Variants in AGBL4 observed in about 807,000 individuals in gnomAD.
AGBL4 encodes cytosolic carboxypeptidase 6.
A neutral mutation model predicts 66.4 loss-of-function variants in AGBL4; 58 were observed. The observed-to-expected ratio is 0.87, with a 90% CI of 0.71 to 1.09. The LOEUF is 1.09. Among genes scored for constraint, AGBL4 ranks in the 50% least tolerant of loss-of-function variants. The pLI, the probability that AGBL4 is intolerant of heterozygous loss-of-function variation, is 0.00. For synonymous variants in AGBL4, 234 were observed against 222.9 expected (o/e 1.05, Z -0.44); for missense variants, 579 against 631.0 (o/e 0.92, Z 0.88).
At chr1:49,100,052 G>T (rs1645173106) in intron 4 of AGBL4, among the ~76,000 whole-genome samples, 1 of 152,156 alleles carries the variant, frequency 6.6e-6, no homozygotes, top group South Asian at 2.1e-4. Context: ...GGAGCTTGCA[G>T]CAGGTCAGAT....
intron 3 of AGBL4, among the ~76,000 whole-genome samples, chr1:49,420,165 T>A (rs1645512457): frequency 1.3e-5 from 2 of 152,200 alleles, no homozygotes; most frequent in Admixed American, 6.5e-5. Flanking sequence ...TCTTTTACTC[T>A]TCCTTCTGTA....
intron 3 of AGBL4, among the ~76,000 whole-genome samples, chr1:49,442,588 C>T (rs145754517): frequency 1.2e-4 from 19 of 152,302 alleles, no homozygotes; most frequent in Admixed American, 2.0e-4. Flanking sequence ...CATGATTTCA[C>T]GCTTTTTGAT....
intron 5 of AGBL4, among the ~76,000 whole-genome samples, chr1:48,869,932 G>A (rs998288059): frequency 1.3e-5 from 2 of 152,062 alleles, no homozygotes; most frequent in Non-Finnish European, 2.9e-5. Context: ...ATGTCACAGA[G>A]TACCCCTCAG....
chr1:49,502,392 C>G (rs1648249947), intron 3 of AGBL4, among the ~76,000 whole-genome samples: 1 of 152,018 alleles, frequency 6.6e-6, no homozygotes, highest in Non-Finnish European at 1.5e-5. Context: ...CTAGAGAACC[C>G]TCACAAATAC....
chr1:48,842,412 C>T (rs996011518), intron 6 of AGBL4, among the ~76,000 whole-genome samples: 67 of 152,200 alleles, frequency 4.4e-4, no homozygotes, highest in African/African-American at 1.6e-3. Context: ...CAGGACTTTC[C>T]ATTCGAGTTT....
intron 3 of AGBL4, among the ~76,000 whole-genome samples, chr1:49,255,185 C>A (rs1473197730): frequency 1.3e-5 from 2 of 152,086 alleles, no homozygotes; most frequent in African/African-American, 2.4e-5. Context: ...AACTAAAGAG[C>A]TTCTAAAAGC....
At chr1:48,779,554 G>A (rs1645238506) in intron 6 of AGBL4, among the ~76,000 whole-genome samples, 1 of 152,114 alleles carries the variant, frequency 6.6e-6, no homozygotes, top group African/African-American at 2.4e-5. Context: ...CTCTTTGAGG[G>A]GAGGCAAAGG....
intron 5 of AGBL4, among the ~76,000 whole-genome samples, chr1:48,905,599 C>G (rs566639431): frequency 1.7e-4 from 26 of 152,200 alleles, no homozygotes; most frequent in African/African-American, 6.0e-4. Flanking sequence ...TCTCAATAAC[C>G]CTTTGAAGTA....
At chr1:49,429,784 C>G (rs1343485172) in intron 3 of AGBL4, among the ~76,000 whole-genome samples, 1 of 152,040 alleles carries the variant, frequency 6.6e-6, no homozygotes, top group African/African-American at 2.4e-5. Context: ...TTATGCTCTG[C>G]TACTTCTCTC....
At chr1:49,157,907 G>T (rs1646465516) in intron 4 of AGBL4, among the ~76,000 whole-genome samples, 1 of 151,996 alleles carries the variant, frequency 6.6e-6, no homozygotes, top group Non-Finnish European at 1.5e-5. Context: ...CATATCCTTT[G>T]CCTACTTTTT....
At chr1:49,321,797 T>A (rs1318189478) in intron 3 of AGBL4, among the ~76,000 whole-genome samples, 3 of 152,210 alleles carry the variant, frequency 2.0e-5, no homozygotes, top group African/African-American at 7.2e-5. Context: ...CTGAACATAC[T>A]TCTATATATC....
At chr1:49,029,283 G>A in intron 5 of AGBL4, among the ~76,000 whole-genome samples, 1 of 152,108 alleles carries the variant, frequency 6.6e-6, no homozygotes, top group East Asian at 1.9e-4. Context: ...ATATCTACTT[G>A]CAGATGATAT....
At chr1:49,376,257 G>T (rs1389164586) in intron 3 of AGBL4, among the ~76,000 whole-genome samples, 3 of 152,060 alleles carry the variant, frequency 2.0e-5, no homozygotes, top group African/African-American at 7.2e-5. Context: ...TGCCCTTCCA[G>T]ATCTATTTTG....
chr1:49,964,714 A>G (rs1223528268), intron 1 of AGBL4, among the ~76,000 whole-genome samples: 2 of 152,090 alleles, frequency 1.3e-5, no homozygotes, highest in Admixed American at 1.3e-4. Flanking sequence ...AAAATGAGAA[A>G]GTCTCCATTT....
chr1:49,993,777 C>A (rs146605126), intron 1 of AGBL4, among the ~76,000 whole-genome samples: 1 of 152,228 alleles, frequency 6.6e-6, no homozygotes, highest in Admixed American at 6.5e-5. Context: ...TGGATTCTGA[C>A]ATGAAGGTGT....
chr1:48,798,320 GATT>G (rs1420433299), intron 6 of AGBL4, among the ~76,000 whole-genome samples: 57 of 152,046 alleles, frequency 3.7e-4, no homozygotes, highest in African/African-American at 1.4e-3. Context: ...TTTTTGATGG[GATT>G]ATTATTTTTT....
chr1:49,617,227 T>TCACTCAAGA (rs1645266025), intron 3 of AGBL4, among the ~76,000 whole-genome samples: 1 of 152,184 alleles, frequency 6.6e-6, no homozygotes, highest in South Asian at 2.1e-4. Flanking sequence ...AGTCATGCTA[T>TCACTCAAGA]CACTCAAGAC....
chr1:48,549,780 TGA>T (rs998135265), intron 11 of AGBL4, among the ~76,000 whole-genome samples: 1 of 148,682 alleles, frequency 6.7e-6, no homozygotes, highest in African/African-American at 2.5e-5. Context: ...GAAAGAGGTG[TGA>T]GAGAGATATA....
intron 1 of AGBL4, among the ~76,000 whole-genome samples, chr1:49,970,560 G>A (rs1185929527): frequency 4.6e-5 from 7 of 152,046 alleles, no homozygotes; most frequent in African/African-American, 1.7e-4. Context: ...GCCAGGTGTG[G>A]TGGTGCATGC....
Sources: allele counts gnomAD v4.1 joint callset (sites outside exome capture counted in the v4.1 genomes callset), GRCh38; gene constraint gnomAD v4.1.1; transcripts MANE v1.5; gene names NCBI Gene and HGNC (gene_info 2026-07-23, HGNC 2026-07-21).